The following SGCZ variants were observed in gnomAD, a reference collection of about 807,000 sequenced individuals.
SGCZ encodes the protein zeta-sarcoglycan.
A neutral mutation model predicts 41.3 loss-of-function variants in SGCZ; 40 were observed. The observed-to-expected ratio is 0.97, with a 90% CI of 0.75 to 1.26. SGCZ has a LOEUF of 1.26. Among genes scored for constraint, SGCZ ranks in the 50% most tolerant of loss-of-function variants. SGCZ has a pLI of 0.00. For synonymous variants in SGCZ, 206 were observed against 137.5 expected, an observed-to-expected ratio of 1.50 and a Z score of -3.49; for missense variants, 552 against 369.8, an observed-to-expected ratio of 1.49 and a Z score of -4.04.
chr8:14,477,378 C>A (rs1801392027), intron 2 of SGCZ, among the ~76,000 whole-genome samples: 1 of 152,074 alleles, frequency 6.6e-6, no homozygotes, highest in East Asian at 1.9e-4. Flanking sequence ...TGTTAATATT[C>A]TTCACTGAAA....
At chr8:14,915,659 C>T (rs1265572950) in intron 1 of SGCZ, among the ~76,000 whole-genome samples, 1 of 152,164 alleles carries the variant, frequency 6.6e-6, no homozygotes, top group Non-Finnish European at 1.5e-5. Flanking sequence ...GCTATGTAAA[C>T]ATCATCACTG....
chr8:14,855,238 C>T (rs746203350), intron 1 of SGCZ, among the ~76,000 whole-genome samples: 5 of 151,744 alleles, frequency 3.3e-5, no homozygotes, highest in African/African-American at 9.7e-5. Context: ...TTAGTTGAGA[C>T]GGAATTTCAC....
intron 1 of SGCZ, among the ~76,000 whole-genome samples, chr8:15,190,050 G>C (rs938892351): frequency 6.6e-6 from 1 of 151,976 alleles, no homozygotes. Flanking sequence ...CTGTGTTATA[G>C]CCTACCTGAT....
At chr8:14,869,940 A>G (rs1804083812) in intron 1 of SGCZ, among the ~76,000 whole-genome samples, 1 of 152,248 alleles carries the variant, frequency 6.6e-6, no homozygotes, top group African/African-American at 2.4e-5. Flanking sequence ...GGACACAAAC[A>G]AATGGAAAAA....
At chr8:14,522,973 T>C (rs571008461) in intron 2 of SGCZ, among the ~76,000 whole-genome samples, 27 of 152,088 alleles carry the variant, frequency 1.8e-4, no homozygotes, top group African/African-American at 6.5e-4. Flanking sequence ...TGCATCTCTT[T>C]GTATAATATT....
intron 1 of SGCZ, among the ~76,000 whole-genome samples, chr8:14,753,133 T>C (rs1799550472): frequency 1.3e-5 from 2 of 152,182 alleles, no homozygotes; most frequent in Admixed American, 1.3e-4. Flanking sequence ...CTCACGTGCA[T>C]TTCTATAATA....
At chr8:14,254,121 A>C (rs978760568) in intron 3 of SGCZ, among the ~76,000 whole-genome samples, 1 of 152,176 alleles carries the variant, frequency 6.6e-6, no homozygotes, top group Non-Finnish European at 1.5e-5. Context: ...TTTTTAAACC[A>C]TGAGAAATAA....
intron 3 of SGCZ, among the ~76,000 whole-genome samples, chr8:14,292,659 C>A (rs997412681): frequency 1.3e-5 from 2 of 151,988 alleles, no homozygotes; most frequent in African/African-American, 4.8e-5. Flanking sequence ...ACTATTCAAA[C>A]TGTCTCACTA....
chr8:15,206,070 C>A (rs1289264636), intron 1 of SGCZ, among the ~76,000 whole-genome samples: 1 of 152,066 alleles, frequency 6.6e-6, no homozygotes, highest in Admixed American at 6.6e-5. Context: ...AACAAAATAA[C>A]TATTGGATAC....
intron 1 of SGCZ, among the ~76,000 whole-genome samples, chr8:15,088,726 A>C (rs1165379924): frequency 6.6e-6 from 1 of 152,154 alleles, no homozygotes; most frequent in Non-Finnish European, 1.5e-5. Flanking sequence ...TTCGTCTACC[A>C]TGAGGCACAG....
At chr8:14,864,779 A>G (rs1052603794) in intron 1 of SGCZ, among the ~76,000 whole-genome samples, 1 of 152,090 alleles carries the variant, frequency 6.6e-6, no homozygotes. Flanking sequence ...ACTAATTTGT[A>G]TTCCCACCAA....
At chr8:14,391,103 C>G (rs1044628654) in intron 2 of SGCZ, among the ~76,000 whole-genome samples, 2 of 152,044 alleles carry the variant, frequency 1.3e-5, no homozygotes, top group Non-Finnish European at 2.9e-5. Context: ...GCTAAAGCAA[C>G]CAACCCAATT....
intron 1 of SGCZ, among the ~76,000 whole-genome samples, chr8:14,707,577 T>G (rs1354934033): frequency 6.6e-6 from 1 of 152,190 alleles, no homozygotes; most frequent in Non-Finnish European, 1.5e-5. Flanking sequence ...ATACTTTTTT[T>G]GGTGATTTGG....
chr8:14,870,650 A>G (rs1224610954), intron 1 of SGCZ, among the ~76,000 whole-genome samples: 1 of 152,102 alleles, frequency 6.6e-6, no homozygotes, highest in Non-Finnish European at 1.5e-5. Context: ...TGAACAGGCA[A>G]CCTACAGAAT....
intron 1 of SGCZ, among the ~76,000 whole-genome samples, chr8:14,988,574 C>A (rs186179532): frequency 6.6e-6 from 1 of 152,042 alleles, no homozygotes; most frequent in African/African-American, 2.4e-5. Flanking sequence ...ATCGTCTTTT[C>A]ATTTCTATGC....
intron 1 of SGCZ, among the ~76,000 whole-genome samples, chr8:14,930,856 G>C (rs916317363): frequency 4.0e-5 from 6 of 151,858 alleles, no homozygotes; most frequent in South Asian, 2.1e-4. Flanking sequence ...GGGATGGATA[G>C]CATTGGGAGA....
intron 1 of SGCZ, among the ~76,000 whole-genome samples, chr8:14,823,826 T>G (rs1034343505): frequency 6.6e-6 from 1 of 152,116 alleles, no homozygotes; most frequent in African/African-American, 2.4e-5. Context: ...ATAATCAAAC[T>G]GAGCATGCAG....
At chr8:14,859,698 C>G (rs1008949935) in intron 1 of SGCZ, among the ~76,000 whole-genome samples, 24 of 152,106 alleles carry the variant, frequency 1.6e-4, no homozygotes, top group Non-Finnish European at 1.5e-5. Context: ...AAAGTTACAT[C>G]TGCATGATAT....
intron 1 of SGCZ, among the ~76,000 whole-genome samples, chr8:15,205,974 C>G (rs976552034): frequency 1.3e-5 from 2 of 152,142 alleles, no homozygotes; most frequent in Non-Finnish European, 1.5e-5. Flanking sequence ...CCTCAGCAAA[C>G]TAATACATGA....
Sources: allele counts gnomAD v4.1 joint callset (sites outside exome capture counted in the v4.1 genomes callset), GRCh38; gene constraint gnomAD v4.1.1; transcripts MANE v1.5; gene names NCBI Gene and HGNC (gene_info 2026-07-23, HGNC 2026-07-21).